The following AUTS2 variants were observed in gnomAD, a reference collection of about 807,000 sequenced individuals.
AUTS2 encodes the protein activator of transcription and developmental regulator AUTS2, also known as autism susceptibility gene 2 protein.
In AUTS2, 17 loss-of-function variants were observed where a neutral mutation model predicts 112.4. That is an observed-to-expected ratio of 0.15 (90% CI 0.10 to 0.23). The LOEUF is 0.23. Ranked by LOEUF, AUTS2 falls within the 10% of genes least tolerant of loss-of-function variation. The pLI is 1.00. For synonymous variants in AUTS2, 751 were observed against 702.7 expected, an observed-to-expected ratio of 1.07 and a Z score of -1.09; for missense variants, 1,510 against 1,701.6, an observed-to-expected ratio of 0.89 and a Z score of 1.98.
chr7:69,606,506 C>G (rs959764613), intron 1 of AUTS2, among the ~76,000 whole-genome samples: 48 of 152,174 alleles, frequency 3.2e-4, no homozygotes, highest in Non-Finnish European at 2.9e-5. Context: ...TACCCCTATC[C>G]TGTATAGTAG....
chr7:70,271,177 A>T (rs1468675708), intron 4 of AUTS2, among the ~76,000 whole-genome samples: 3 of 152,128 alleles, frequency 2.0e-5, no homozygotes, highest in Admixed American at 6.5e-5. Flanking sequence ...CTTTCCCTTC[A>T]GTTGCTTAAA....
In AUTS2 at chr7:70,766,060, G is replaced by T. The variant is rs1347722040; in HGVS notation, c.1469-54G>T. On this transcript the variant is annotated intron_variant, in intron 8 of 18. Coordinates refer to ENST00000342771, the MANE Select transcript of AUTS2 (RefSeq NM_015570.4). The surrounding 1 kb of genome is among the most constrained non-coding windows in gnomAD (Gnocchi z 4.8). ...GTACCCCTCCACAGGAAGGCAGTCC[G>T]ATGTCCTTTTCTGAAGGAAAAGGCG... is the stretch of plus-strand genomic sequence containing the variant. 7.6e-6 allele frequency: 12 copies of T among 1,582,658 alleles called. No homozygotes were observed. The highest frequency in any genetic ancestry group is 1.0e-5 in the Non-Finnish European group (12 of 1,161,070).
intron 5 of AUTS2, among the ~76,000 whole-genome samples, chr7:70,474,505 G>A (rs1416963997): frequency 6.6e-6 from 1 of 152,090 alleles, no homozygotes; most frequent in East Asian, 1.9e-4. Flanking sequence ...CTATACATCT[G>A]TTCAAAGCTT....
At chr7:70,290,592 A>G (rs190980404) in intron 4 of AUTS2, 99 of 1,440,190 alleles carry the variant, frequency 6.9e-5, no homozygotes, top group Admixed American at 2.6e-4. Context: ...CGTGACCCCA[A>G]TGAGAAATTA....
At chr7:69,600,518 C>T (rs2129068330) in intron 1 of AUTS2, among the ~76,000 whole-genome samples, 1 of 147,980 alleles carries the variant, frequency 6.8e-6, no homozygotes, top group East Asian at 2.0e-4. Context: ...TTGCGCCTCC[C>T]CCCATTACCC....
At chr7:70,721,622 T>C (rs1252493563) in intron 6 of AUTS2, among the ~76,000 whole-genome samples, 3 of 152,202 alleles carry the variant, frequency 2.0e-5, no homozygotes, top group African/African-American at 7.2e-5. Context: ...CAGTGGACAC[T>C]GAGATGTTGT....
chr7:70,713,661 G>A (rs866007529), intron 6 of AUTS2, among the ~76,000 whole-genome samples: 2 of 151,828 alleles, frequency 1.3e-5, no homozygotes, highest in African/African-American at 4.8e-5. Flanking sequence ...TTGGGAGGCC[G>A]AGGCAGGCGG....
chr7:70,303,915 G>A (rs1174784152), intron 4 of AUTS2, among the ~76,000 whole-genome samples: 1 of 152,064 alleles, frequency 6.6e-6, no homozygotes, highest in Non-Finnish European at 1.5e-5. Context: ...AGCATCAATG[G>A]CTTCTTTATA....
At chr7:69,697,727 C>A (rs1273365323) in intron 1 of AUTS2, among the ~76,000 whole-genome samples, 1 of 152,196 alleles carries the variant, frequency 6.6e-6, no homozygotes, top group Non-Finnish European at 1.5e-5. Context: ...GTGGAAGAGT[C>A]CTTCCTCCAT....
At chr7:70,556,511 G>C (rs1266524333) in intron 5 of AUTS2, among the ~76,000 whole-genome samples, 1 of 152,186 alleles carries the variant, frequency 6.6e-6, no homozygotes, top group Non-Finnish European at 1.5e-5. Flanking sequence ...CTGTGATCAA[G>C]TCTTCGAGGC....
chr7:70,129,725 C>G (rs1806169052), intron 3 of AUTS2, among the ~76,000 whole-genome samples: 1 of 152,128 alleles, frequency 6.6e-6, no homozygotes, highest in South Asian at 2.1e-4. Flanking sequence ...AGCCAGAAGG[C>G]TGAGATGAGA....
chr7:70,319,776 C>A (rs1302066835), intron 4 of AUTS2, among the ~76,000 whole-genome samples: 1 of 152,150 alleles, frequency 6.6e-6, no homozygotes, highest in Non-Finnish European at 1.5e-5. Context: ...ACACAAACAA[C>A]CTTGATAAAT....
chr7:70,113,622 AT>A (rs1805202754), intron 2 of AUTS2, among the ~76,000 whole-genome samples: 1 of 152,228 alleles, frequency 6.6e-6, no homozygotes, highest in Admixed American at 6.5e-5. Flanking sequence ...GAGGAATCAA[AT>A]TTGTGGAAGG....
At position 70,175,926 on chromosome 7, in the gene AUTS2, A is replaced by G. The variant is rs139581557; in HGVS notation, c.660+41355A>G. On this transcript the variant is annotated intron_variant, in intron 4 of 18. Transcript: ENST00000342771. ...AGTTCATGGGACTTGCTTTATTGCA[A>G]TATTCATTTTATTGTGGTGGTTTGG... Among the ~76,000 whole-genome samples, 1,143 of 152,284 alleles carry G rather than the reference A, an allele frequency of 7.5e-3. 15 individuals are homozygous for G. Among genetic ancestry groups the G allele is most frequent in the African/African-American group, 0.026 (1,086 of 41,568 alleles).
chr7:69,635,771 C>T (rs1172350035), intron 1 of AUTS2, among the ~76,000 whole-genome samples: 2 of 152,212 alleles, frequency 1.3e-5, no homozygotes, highest in Admixed American at 6.5e-5. Context: ...CCTTGGAAAG[C>T]CTCTTTCGCT....
At chr7:69,718,358 G>T (rs1363993669) in intron 1 of AUTS2, among the ~76,000 whole-genome samples, 1 of 152,134 alleles carries the variant, frequency 6.6e-6, no homozygotes, top group East Asian at 1.9e-4. Context: ...ATCTCATTGG[G>T]CTAAAATCGA....
chr7:70,755,825 T>C (rs963550633), intron 6 of AUTS2, among the ~76,000 whole-genome samples: 2 of 151,994 alleles, frequency 1.3e-5, no homozygotes, highest in African/African-American at 2.4e-5. Context: ...AATACTCTTA[T>C]TTACTTTAAT....
chr7:70,530,321 C>T (rs1288248690), intron 5 of AUTS2, among the ~76,000 whole-genome samples: 7 of 152,098 alleles, frequency 4.6e-5, no homozygotes, highest in Admixed American at 1.3e-4. Context: ...CAGCCTTTAA[C>T]GGCCTCCTGG....
intron 4 of AUTS2, among the ~76,000 whole-genome samples, chr7:70,231,502 G>A (rs1029560659): frequency 2.0e-5 from 3 of 152,094 alleles, no homozygotes; most frequent in Non-Finnish European, 4.4e-5. Flanking sequence ...GAGTGCAGTG[G>A]CACGATCTTG....
Sources: allele counts gnomAD v4.1 joint callset (sites outside exome capture counted in the v4.1 genomes callset), GRCh38; gene constraint gnomAD v4.1.1; non-coding constraint Gnocchi (gnomAD v3.1); transcripts MANE v1.5; gene names NCBI Gene and HGNC (gene_info 2026-07-23, HGNC 2026-07-21).